Variants in NRXN3 observed in about 807,000 individuals in gnomAD.
NRXN3 encodes the protein neurexin III.
NRXN3 carries 32 observed loss-of-function variants against 137.6 expected under a neutral mutation model. That is an observed-to-expected ratio of 0.23 (90% CI 0.18 to 0.31). The LOEUF is 0.31. Ranked by LOEUF, NRXN3 falls within the 10% of genes least tolerant of loss-of-function variation. The pLI, the probability that NRXN3 is intolerant of heterozygous loss-of-function variation, is 1.00. For missense variants in NRXN3, 1,574 were observed against 2,062.5 expected (o/e 0.76, Z 4.59); for synonymous variants, 798 against 784.5 (o/e 1.02, Z -0.29).
intron 15 of NRXN3, among the ~76,000 whole-genome samples, chr14:79,272,868 CGTGATTTGAAATTAT>C (rs2079571365): frequency 6.6e-6 from 1 of 152,050 alleles, no homozygotes; most frequent in African/African-American, 2.4e-5. Flanking sequence ...TTTTGCATTC[CGTGATTTGAAATTAT>C]GGGTGGGGGC....
intron 16 of NRXN3, among the ~76,000 whole-genome samples, chr14:79,560,739 C>T (rs1327576735): frequency 6.6e-6 from 1 of 151,836 alleles, no homozygotes; most frequent in East Asian, 1.9e-4. Context: ...CAGGGTTTCA[C>T]CATGTTGGCC....
At chr14:78,513,106 A>G (rs1392978352) in intron 4 of NRXN3, among the ~76,000 whole-genome samples, 1 of 152,182 alleles carries the variant, frequency 6.6e-6, no homozygotes, top group Non-Finnish European at 1.5e-5. Context: ...TATGAATCTG[A>G]TGAGGAAGGC....
In NRXN3 at chr14:79,750,414, G is replaced by A. The variant is rs369949664; in HGVS notation, c.4014+52477G>A. Among the ~76,000 whole-genome samples, 95 of 152,202 alleles carry A rather than the reference G, an allele frequency of 6.2e-4. 3 individuals are homozygous for A. In the South Asian group the frequency reaches 0.019, roughly 30 times the overall value. The stretch of plus-strand genomic sequence containing the variant: ...TTCTTACCAATGTAGACTCTGTTAT[G>A]GAAGTAACCCATGCTGCTGCTGCCT... On this transcript the variant is annotated intron_variant, in intron 19 of 20. Transcript: ENST00000335750.
At position 79,642,721 on chromosome 14, in the gene NRXN3, A is replaced by G. The variant is rs571750656; in HGVS notation, c.3445-21057A>G. Among the ~76,000 whole-genome samples the G allele has an allele frequency of 1.1e-3, 148 of 135,320 alleles. 33 individuals carry two copies. Among genetic ancestry groups the G allele is most frequent in the South Asian group, 7.7e-3 (33 of 4,288 alleles). The allele number at this position is 135,320 out of a possible 152,430, so 88.8% of individuals were successfully genotyped here. A position where few individuals can be genotyped will look rare whatever the true frequency, so the allele number is the denominator to read the frequency against. ...AGAGATATCACTGAAGACCTATCTG[A>G]TGCTTTGCTGTGATTTTTATTCCCT... On this transcript the variant is annotated intron_variant, in intron 16 of 20. Coordinates refer to ENST00000335750, the MANE Select transcript of NRXN3 (RefSeq NM_001330195.2).
chr14:79,782,069 C>A (rs1417758422), intron 19 of NRXN3, among the ~76,000 whole-genome samples: 1 of 152,182 alleles, frequency 6.6e-6, no homozygotes, highest in Admixed American at 6.5e-5. Flanking sequence ...CTTTCCACAG[C>A]TTGAAAATTC....
intron 16 of NRXN3, among the ~76,000 whole-genome samples, chr14:79,467,913 A>G (rs780604411): frequency 6.6e-5 from 10 of 152,218 alleles, no homozygotes; most frequent in Non-Finnish European, 1.3e-4. Context: ...TTTGAAATGC[A>G]TGAGACTGTA....
At chr14:78,660,468 A>C (rs895577499) in intron 6 of NRXN3, among the ~76,000 whole-genome samples, 1 of 152,068 alleles carries the variant, frequency 6.6e-6, no homozygotes, top group South Asian at 2.1e-4. Context: ...CTTTCTTCAT[A>C]GGTGAGCTCC....
intron 1 of NRXN3, among the ~76,000 whole-genome samples, chr14:78,238,748 A>T (rs1209436269): frequency 5.9e-5 from 9 of 152,218 alleles, no homozygotes; most frequent in Admixed American, 5.9e-4. Flanking sequence ...GGGTTTCCTC[A>T]GTCAGCCTTT....
chr14:78,225,354 C>T (rs11159340), intron 1 of NRXN3, among the ~76,000 whole-genome samples: 34,295 of 152,088 alleles, frequency 0.23, 4,205 homozygotes, highest in Middle Eastern at 0.28. Flanking sequence ...TGGTCAGGGA[C>T]GGTGAGCATT....
At chr14:78,303,778 C>T (rs12883643) in intron 4 of NRXN3, among the ~76,000 whole-genome samples, 20,686 of 152,038 alleles carry the variant, frequency 0.14, 1,815 homozygotes, top group Admixed American at 0.2. Flanking sequence ...AAGATCCAAG[C>T]CTCCTAAGTC....
At chr14:79,575,781 GA>G (rs1313751349) in intron 16 of NRXN3, among the ~76,000 whole-genome samples, 9 of 152,114 alleles carry the variant, frequency 5.9e-5, no homozygotes, top group African/African-American at 2.2e-4. Flanking sequence ...TTTTCATGCA[GA>G]AATCGGGGAG....
intron 1 of NRXN3, among the ~76,000 whole-genome samples, chr14:78,209,788 T>C (rs1192525045): frequency 6.6e-6 from 1 of 152,240 alleles, no homozygotes; most frequent in African/African-American, 2.4e-5. Flanking sequence ...TGTACCTTGC[T>C]GAGAAGTGGA....
intron 1 of NRXN3, among the ~76,000 whole-genome samples, chr14:78,171,088 A>T (rs2058681550): frequency 6.7e-6 from 1 of 148,714 alleles, no homozygotes. Context: ...TCATTTATTC[A>T]TTTATTTATT....
chr14:79,192,613 T>C (rs1000153382), intron 15 of NRXN3, among the ~76,000 whole-genome samples: 12 of 152,172 alleles, frequency 7.9e-5, no homozygotes, highest in Admixed American at 2.0e-4. Flanking sequence ...GTTCTCAGAA[T>C]TACCATGTAG....
At chr14:78,623,229 A>G (rs2097423036) in intron 4 of NRXN3, among the ~76,000 whole-genome samples, 1 of 152,222 alleles carries the variant, frequency 6.6e-6, no homozygotes, top group Non-Finnish European at 1.5e-5. Context: ...CAGAACTCAG[A>G]TTTCATGAGA....
intron 15 of NRXN3, among the ~76,000 whole-genome samples, chr14:79,057,921 T>C (rs768110289): frequency 6.6e-6 from 1 of 152,176 alleles, no homozygotes; most frequent in African/African-American, 2.4e-5. Flanking sequence ...ATTTATAATA[T>C]ATTAAGACTA....
chr14:79,123,226 T>C (rs553384970), intron 15 of NRXN3, among the ~76,000 whole-genome samples: 4 of 151,804 alleles, frequency 2.6e-5, no homozygotes, highest in Non-Finnish European at 2.9e-5. Flanking sequence ...CGTGTGTGTG[T>C]GCGCGCGTGT....
intron 8 of NRXN3, among the ~76,000 whole-genome samples, chr14:78,787,516 A>G (rs2098792652): frequency 6.6e-6 from 1 of 152,188 alleles, no homozygotes; most frequent in African/African-American, 2.4e-5. Flanking sequence ...AAATCCATTC[A>G]TTTACAGATC....
intron 15 of NRXN3, among the ~76,000 whole-genome samples, chr14:79,195,770 A>G (rs2065045871): frequency 6.6e-6 from 1 of 152,214 alleles, no homozygotes; most frequent in Admixed American, 6.5e-5. Flanking sequence ...AAGCTAATCG[A>G]TGATATCCTC....
Sources: allele counts gnomAD v4.1 joint callset (sites outside exome capture counted in the v4.1 genomes callset), GRCh38; gene constraint gnomAD v4.1.1; transcripts MANE v1.5; gene names NCBI Gene and HGNC (gene_info 2026-07-23, HGNC 2026-07-21).